Variants in TSC22D1 observed in about 807,000 individuals in gnomAD.
TSC22D1 encodes TSC22 domain family protein 1.
TSC22D1 carries 9 observed loss-of-function variants against 74.2 expected under a neutral mutation model. The observed-to-expected ratio is 0.12, with a 90% confidence interval of 0.07 to 0.21. TSC22D1 has a LOEUF of 0.21. Ranked by LOEUF, TSC22D1 falls within the 10% of genes least tolerant of loss-of-function variation. The pLI is 1.00. For synonymous variants in TSC22D1, 586 were observed against 492.5 expected (o/e 1.19, Z -2.51); for missense variants, 1,427 against 1,304.7 (o/e 1.09, Z -1.44).
At chr13:44,456,612 G>C (rs973591625) in intron 1 of TSC22D1, among the ~76,000 whole-genome samples, 1 of 152,158 alleles carries the variant, frequency 6.6e-6, no homozygotes, top group African/African-American at 2.4e-5. Context: ...CTCTAGTATA[G>C]CCAACACTCA....
intron 1 of TSC22D1, among the ~76,000 whole-genome samples, chr13:44,569,089 C>CAA (rs1883572545): frequency 6.6e-6 from 1 of 152,030 alleles, no homozygotes; most frequent in Non-Finnish European, 1.5e-5. Context: ...TTAACAAATA[C>CAA]CTACATAGGG....
At chr13:44,517,333 A>AACACACACACAC (rs3046042) in intron 1 of TSC22D1, among the ~76,000 whole-genome samples, 28 of 148,796 alleles carry the variant, frequency 1.9e-4, no homozygotes, top group African/African-American at 6.7e-4. Context: ...ACAAAAACAA[A>AACACACACACAC]ACACACACAC....
At chr13:44,503,100 G>A (rs190669487) in intron 1 of TSC22D1, among the ~76,000 whole-genome samples, 3 of 152,226 alleles carry the variant, frequency 2.0e-5, no homozygotes, top group Non-Finnish European at 2.9e-5. Flanking sequence ...TAAGCCTCTC[G>A]AGCCAAACTA....
At chr13:44,438,963 C>G (rs968246255) in intron 1 of TSC22D1, among the ~76,000 whole-genome samples, 3 of 152,004 alleles carry the variant, frequency 2.0e-5, no homozygotes, top group Admixed American at 6.5e-5. Flanking sequence ...CTTTAAAAAA[C>G]AAAACTCTAA....
chr13:44,495,459 G>A (rs1878930467), intron 1 of TSC22D1, among the ~76,000 whole-genome samples: 1 of 151,936 alleles, frequency 6.6e-6, no homozygotes, highest in Non-Finnish European at 1.5e-5. Context: ...ATAACACAAA[G>A]CCATACAAAG....
chr13:44,506,772 A>T (rs1429507773), intron 1 of TSC22D1, among the ~76,000 whole-genome samples: 1 of 152,198 alleles, frequency 6.6e-6, no homozygotes, highest in African/African-American at 2.4e-5. Context: ...ACACTGGGTG[A>T]CCAGTAAGGT....
intron 1 of TSC22D1, among the ~76,000 whole-genome samples, chr13:44,514,638 A>T (rs2184715): frequency 0.45 from 69,058 of 151,962 alleles, 16,203 homozygotes; most frequent in Non-Finnish European, 0.52. Context: ...AGGGGGCAGA[A>T]CACTTGAGGT....
At chr13:44,526,015 T>C (rs947896914) in intron 1 of TSC22D1, among the ~76,000 whole-genome samples, 1 of 152,024 alleles carries the variant, frequency 6.6e-6, no homozygotes, top group Non-Finnish European at 1.5e-5. Flanking sequence ...GGCTGGAGAA[T>C]CTCTTGAGAC....
At chr13:44,528,398 T>C (rs1880656566) in intron 1 of TSC22D1, among the ~76,000 whole-genome samples, 2 of 152,110 alleles carry the variant, frequency 1.3e-5, no homozygotes, top group African/African-American at 4.8e-5. Context: ...TTACAGATAG[T>C]TGCAAACCCA....
At chr13:44,438,522 C>T (rs1874923550) in intron 1 of TSC22D1, among the ~76,000 whole-genome samples, 1 of 152,156 alleles carries the variant, frequency 6.6e-6, no homozygotes, top group Non-Finnish European at 1.5e-5. Flanking sequence ...ATGAAGACCA[C>T]AATTCTCTTT....
At chr13:44,528,771 G>A (rs1485915270) in intron 1 of TSC22D1, among the ~76,000 whole-genome samples, 1 of 151,898 alleles carries the variant, frequency 6.6e-6, no homozygotes, top group Non-Finnish European at 1.5e-5. Flanking sequence ...GCCAATAAAA[G>A]ACACCAAAAA....
chr13:44,511,893 T>C (rs139472131), intron 1 of TSC22D1, among the ~76,000 whole-genome samples: 2 of 152,296 alleles, frequency 1.3e-5, no homozygotes, highest in East Asian at 3.9e-4. Context: ...AAACAGGAGC[T>C]ACCCAAGCAA....
chr13:44,544,145 C>G (rs372658718), intron 1 of TSC22D1, among the ~76,000 whole-genome samples: 1 of 151,736 alleles, frequency 6.6e-6, no homozygotes, highest in Non-Finnish European at 1.5e-5. Context: ...TTTTTGGGGT[C>G]GTCAACTTCT....
At chr13:44,491,902 A>G (rs1878745757) in intron 1 of TSC22D1, among the ~76,000 whole-genome samples, 1 of 152,224 alleles carries the variant, frequency 6.6e-6, no homozygotes, top group African/African-American at 2.4e-5. Flanking sequence ...CTGAACATGT[A>G]TATCTTCCGT....
chr13:44,508,458 T>G (rs1355959246), intron 1 of TSC22D1, among the ~76,000 whole-genome samples: 1 of 152,148 alleles, frequency 6.6e-6, no homozygotes, highest in Non-Finnish European at 1.5e-5. Flanking sequence ...CAATATGAAT[T>G]GTTTTTTTAA....
chr13:44,573,757 A>G lies in TSC22D1; in HGVS notation c.2318T>C (p.Ile773Thr), dbSNP rs1458576779. 4 of 1,614,250 alleles carry G rather than the reference A, an allele frequency of 2.5e-6. No homozygotes were observed. Among genetic ancestry groups the G allele is most frequent in the Non-Finnish European group, 3.4e-6 (4 of 1,180,036 alleles). Reference protein sequence around the residue: ...QVVPPAQTGIIHQGVQTSAPS... With the variant: ...QVVPPAQTGITHQGVQTSAPS... The stretch of plus-strand genomic sequence containing the variant: ...AGCACTAGTTTGAACTCCCTGATGA[A>G]TAATCCCAGTTTGAGCAGGTGGAAC... Residue 773 changes from isoleucine to threonine, a missense_variant, in exon 1 of 3, where the codon ATT (isoleucine) becomes ACT (threonine). Around this residue, in one of 3 missense-constraint regions of TSC22D1, gnomAD observed 1,343 missense variants for 1,191.5 expected, o/e 1.13. Transcript: ENST00000458659.
chr13:44,469,178 G>A (rs1279639615), intron 1 of TSC22D1, among the ~76,000 whole-genome samples: 1 of 151,974 alleles, frequency 6.6e-6, no homozygotes, highest in African/African-American at 2.4e-5. Flanking sequence ...GTACCTACAG[G>A]GTAAGCCCCC....
In TSC22D1 at chr13:44,573,224, A is replaced by C. The variant is rs779151080; in HGVS notation, c.2851T>G (p.Ser951Ala). ...GSSSSLAASA[S>A]LFPLKVLPLT... is the part of the protein sequence containing the mutation. The stretch of plus-strand genomic sequence containing the variant: ...GGTAGCACCTTCAACGGGAAAAGAG[A>C]AGCAGAGGCTGCTAGGCTGCTGCTA... Residue 951 changes from serine (S) to alanine (A), a missense_variant, in exon 1 of 3, where the codon TCT becomes GCT. Coordinates refer to ENST00000458659, the MANE Select transcript of TSC22D1 (RefSeq NM_183422.4). 2.5e-5 allele frequency: 40 copies of C among 1,614,050 alleles called. No individual in the cohort carries two copies. Among genetic ancestry groups the C allele is most frequent in the East Asian group, 2.5e-4 (11 of 44,892 alleles).
intron 1 of TSC22D1, among the ~76,000 whole-genome samples, chr13:44,521,710 A>G (rs776354916): frequency 6.6e-6 from 1 of 152,058 alleles, no homozygotes; most frequent in Non-Finnish European, 1.5e-5. Context: ...AACCTAGGCA[A>G]TAAGACTTCA....
Sources: gnomAD v4.1 joint callset for allele counts (sites outside exome capture counted in the v4.1 genomes callset) on GRCh38, gnomAD v4.1.1 for gene constraint, gnomAD v4.1.1 regional missense constraint, MANE v1.5 for transcripts, NCBI Gene and HGNC (gene_info 2026-07-23, HGNC 2026-07-21) for gene names.